SCAPER: variants seen among roughly 807,000 people sequenced by gnomAD.
The protein encoded by SCAPER is S-phase cyclin A associated protein in the ER, also known as S phase cyclin A-associated protein in the endoplasmic reticulum.
A neutral mutation model predicts 182.2 loss-of-function variants in SCAPER; 98 were observed. That is an observed-to-expected ratio of 0.54 (90% CI 0.46 to 0.64). The LOEUF (loss-of-function observed/expected upper bound fraction) is 0.64. Among genes scored for constraint, SCAPER ranks in the 30% least tolerant of loss-of-function variants. The probability of loss-of-function intolerance (pLI) is 0.00; values close to 1 mark genes in which losing one functional copy is unlikely to be tolerated. For missense variants in SCAPER, 1,432 were observed against 1,690.0 expected (o/e 0.85, Z 2.68); for synonymous variants, 605 against 564.6 (o/e 1.07, Z -1.01).
intron 5 of SCAPER, among the ~76,000 whole-genome samples, chr15:76,834,674 GA>G (rs1008731789): frequency 1.6e-4 from 24 of 151,622 alleles, no homozygotes; most frequent in African/African-American, 5.8e-4. Flanking sequence ...GATTAATAAA[GA>G]AAAAAAGATT....
At chr15:76,405,182 T>A (rs2044739503) in intron 26 of SCAPER, among the ~76,000 whole-genome samples, 1 of 145,958 alleles carries the variant, frequency 6.9e-6, no homozygotes, top group Non-Finnish European at 1.5e-5. Context: ...GACATGATCA[T>A]AGCTCACTAC....
intron 21 of SCAPER, among the ~76,000 whole-genome samples, chr15:76,640,777 G>A (rs930783190): frequency 1.8e-4 from 28 of 152,180 alleles, no homozygotes; most frequent in African/African-American, 6.8e-4. Flanking sequence ...CCTGATTACT[G>A]TAAATACAAA....
At chr15:76,554,788 CTTTT>C (rs71143339) in intron 23 of SCAPER, among the ~76,000 whole-genome samples, 2 of 71,104 alleles carry the variant, frequency 2.8e-5, no homozygotes, top group African/African-American at 3.3e-5. Context: ...ATTCAGCATT[CTTTT>C]TTTTTTTTTT....
At chr15:76,504,617 T>C (rs547783209) in intron 24 of SCAPER, among the ~76,000 whole-genome samples, 22 of 152,234 alleles carry the variant, frequency 1.4e-4, no homozygotes, top group Non-Finnish European at 2.6e-4. Flanking sequence ...CAATTCTTCT[T>C]GATTTCAGAT....
intron 22 of SCAPER, among the ~76,000 whole-genome samples, chr15:76,597,847 C>T (rs1269416760): frequency 2.5e-5 from 3 of 120,590 alleles, no homozygotes; most frequent in African/African-American, 7.6e-5. Flanking sequence ...TCATAAAAAC[C>T]CTAGAAGAAA....
Position 76,575,295 on chromosome 15 carries a change from T to A in SCAPER, c.2712-1011A>T, listed in dbSNP as rs1486876781. ...TACTGGTAGGACTACTGATTCAAGATCTTATTAAATCTCCCTAGGGTGTTC... is the reference window on the plus strand; with the variant it reads ...TACTGGTAGGACTACTGATTCAAGAACTTATTAAATCTCCCTAGGGTGTTC... On this transcript the variant is annotated intron_variant, in intron 22 of 31. Transcript: ENST00000563290. 2.6e-5 allele frequency among the ~76,000 whole-genome samples: 4 copies of A among 152,084 alleles called. No individual in the cohort carries two copies. In the East Asian group the frequency reaches 7.7e-4, roughly 29 times the overall value.
intron 25 of SCAPER, among the ~76,000 whole-genome samples, chr15:76,455,203 C>T (rs959973533): frequency 2.0e-5 from 3 of 152,066 alleles, no homozygotes; most frequent in African/African-American, 2.4e-5. Context: ...TTGTTATTTC[C>T]GTTCCTCCAG....
At chr15:76,714,919 G>A (rs889552768) in intron 17 of SCAPER, among the ~76,000 whole-genome samples, 3 of 151,832 alleles carry the variant, frequency 2.0e-5, no homozygotes, top group Non-Finnish European at 4.4e-5. Flanking sequence ...CGGATTAAAG[G>A]AGAAATTTTA....
chr15:76,853,534 A>T (rs2071004705), intron 4 of SCAPER, among the ~76,000 whole-genome samples: 4 of 152,014 alleles, frequency 2.6e-5, no homozygotes, highest in Admixed American at 2.6e-4. Context: ...ATGTGATTCA[A>T]CACCTAAACA....
intron 24 of SCAPER, among the ~76,000 whole-genome samples, chr15:76,486,064 G>A (rs2051612144): frequency 6.6e-6 from 1 of 152,044 alleles, no homozygotes; most frequent in African/African-American, 2.4e-5. Flanking sequence ...AAAATTAGCT[G>A]GGCATGGTGG....
intron 20 of SCAPER, among the ~76,000 whole-genome samples, chr15:76,673,402 A>G (rs1428275396): frequency 6.6e-6 from 1 of 152,140 alleles, no homozygotes; most frequent in African/African-American, 2.4e-5. Flanking sequence ...TGGGGAAAAC[A>G]TATGAAAAGA....
intron 29 of SCAPER, among the ~76,000 whole-genome samples, chr15:76,366,455 T>C (rs974821195): frequency 2.6e-5 from 4 of 152,232 alleles, no homozygotes; most frequent in African/African-American, 7.2e-5. Flanking sequence ...CATAAAAATA[T>C]AATAGTCATC....
intron 27 of SCAPER, among the ~76,000 whole-genome samples, chr15:76,384,920 C>G (rs1402209080): frequency 6.6e-6 from 1 of 152,144 alleles, no homozygotes; most frequent in East Asian, 1.9e-4. Context: ...AGGCCTTATT[C>G]ATATCAGGCA....
At chr15:76,645,839 A>G (rs576596923) in intron 21 of SCAPER, among the ~76,000 whole-genome samples, 10 of 152,306 alleles carry the variant, frequency 6.6e-5, no homozygotes, top group Admixed American at 5.9e-4. Context: ...AATATTTTTT[A>G]AAAACACACG....
rs371597392 is a variant in SCAPER, at chr15:76,402,754, T to G, written c.3467+1770A>C. Among the ~76,000 whole-genome samples the G allele has an allele frequency of 2.6e-5, 4 of 152,056 alleles. No individual in the cohort carries two copies. In the South Asian group the frequency reaches 6.2e-4, roughly 24 times the overall value. ...ATGTTCCATATGTAATTGAGAAAAT[T>G]TTCAAAGAAATGAAATATATGCTTC... is the stretch of plus-strand genomic sequence containing the variant. On this transcript the variant is annotated intron_variant, in intron 27 of 31. Transcript: ENST00000563290.
intron 22 of SCAPER, among the ~76,000 whole-genome samples, chr15:76,589,861 C>G (rs1450064609): frequency 6.6e-6 from 1 of 152,142 alleles, no homozygotes; most frequent in Non-Finnish European, 1.5e-5. Context: ...GGGTTTCTGC[C>G]GTGGCCTCCT....
intron 23 of SCAPER, among the ~76,000 whole-genome samples, chr15:76,534,236 T>C (rs1243405753): frequency 6.6e-6 from 1 of 152,202 alleles, no homozygotes; most frequent in East Asian, 1.9e-4. Flanking sequence ...ACAAACATTG[T>C]GCTGAAATGT....
intron 8 of SCAPER, among the ~76,000 whole-genome samples, chr15:76,781,623 T>G (rs2064147180): frequency 6.6e-6 from 1 of 152,146 alleles, no homozygotes; most frequent in East Asian, 1.9e-4. Context: ...GAAAAAGTGT[T>G]AAGGGCAGCC....
intron 5 of SCAPER, among the ~76,000 whole-genome samples, chr15:76,828,061 G>A (rs2068155042): frequency 6.6e-6 from 1 of 151,918 alleles, no homozygotes; most frequent in Non-Finnish European, 1.5e-5. Flanking sequence ...AGAAAGAGAG[G>A]CCTGAGCTAG....
Sources: gnomAD v4.1 joint callset for allele counts (sites outside exome capture counted in the v4.1 genomes callset) on GRCh38, gnomAD v4.1.1 for gene constraint, MANE v1.5 for transcripts, NCBI Gene and HGNC (gene_info 2026-07-23, HGNC 2026-07-21) for gene names.